Variants in CCDC33 observed in about 807,000 individuals in gnomAD.
CCDC33 encodes the protein coiled-coil domain containing 33.
In CCDC33, 94 loss-of-function variants were observed where a neutral mutation model predicts 91.9. That is an observed-to-expected ratio of 1.02 (90% CI 0.87 to 1.21). The LOEUF is 1.21. Ranked by LOEUF, CCDC33 falls within the 50% of genes most tolerant of loss-of-function variation. The probability of loss-of-function intolerance (pLI) is 0.00; values close to 1 mark genes in which losing one functional copy is unlikely to be tolerated. For synonymous variants in CCDC33, 396 were observed against 374.5 expected (o/e 1.06, Z -0.66); for missense variants, 940 against 935.5 (o/e 1.00, Z -0.06).
At chr15:74,277,935 C>T (rs1190787240) in intron 7 of CCDC33, among the ~76,000 whole-genome samples, 1 of 152,170 alleles carries the variant, frequency 6.6e-6, no homozygotes, top group Non-Finnish European at 1.5e-5. Context: ...TCACAGGTGC[C>T]CCAATGCCTG....
At chr15:74,272,091 G>C (rs1465743836) in intron 6 of CCDC33, among the ~76,000 whole-genome samples, 2 of 152,206 alleles carry the variant, frequency 1.3e-5, no homozygotes, top group African/African-American at 4.8e-5. Flanking sequence ...CTAACAGCTA[G>C]AGAGTGTGGG....
At position 74,330,974 on chromosome 15, in the gene CCDC33, C is replaced by T. The variant is rs368467935; in HGVS notation, c.1546-7C>T. Reference sequence around the variant, plus strand: ...TCTCTCCCCTTCTCTCCTCCCCCATCTCACAGAAGAATGATCGAGAGAAGG... The same window carrying T: ...TCTCTCCCCTTCTCTCCTCCCCCATTTCACAGAAGAATGATCGAGAGAAGG... On this transcript the variant is annotated splice_polypyrimidine_tract_variant and splice_region_variant and intron_variant, in intron 13 of 18. Transcript: ENST00000398814. The T allele has an allele frequency of 1.3e-6, 2 of 1,577,690 alleles. No individual in the cohort carries two copies. The highest frequency in any genetic ancestry group is 1.7e-6 in the Non-Finnish European group (2 of 1,161,592).
At chr15:74,319,290 G>A (rs1344368536) in intron 11 of CCDC33, among the ~76,000 whole-genome samples, 5 of 152,232 alleles carry the variant, frequency 3.3e-5, no homozygotes, top group African/African-American at 9.6e-5. Flanking sequence ...CGGGTCGTTC[G>A]ACAGCTGTGG....
At chr15:74,322,984 T>C (rs1277920076) in intron 11 of CCDC33, among the ~76,000 whole-genome samples, 1 of 152,076 alleles carries the variant, frequency 6.6e-6, no homozygotes, top group Non-Finnish European at 1.5e-5. Context: ...CAGGCCTCCT[T>C]CTCTGGGAGA....
chr15:74,248,008 T>C (rs351147), intron 2 of CCDC33, among the ~76,000 whole-genome samples: 146,939 of 152,174 alleles, frequency 0.97, 71,157 homozygotes, highest in East Asian at 1. Flanking sequence ...ATCTGGGAGG[T>C]GGAGGTTGCG....
At chr15:74,333,339 C>A in intron 16 of CCDC33, 1 of 1,546,558 alleles carries the variant, frequency 6.5e-7, no homozygotes, top group South Asian at 1.2e-5. Context: ...GGCCCAGGGC[C>A]CAGAAATGCC....
chr15:74,328,625 C>T (rs1338472939), intron 11 of CCDC33, among the ~76,000 whole-genome samples: 2 of 152,212 alleles, frequency 1.3e-5, no homozygotes, highest in African/African-American at 4.8e-5. Context: ...GAGAGATGAA[C>T]CTGGCACTGG....
At chr15:74,252,086 G>C (rs1308603645) in intron 2 of CCDC33, among the ~76,000 whole-genome samples, 1 of 152,158 alleles carries the variant, frequency 6.6e-6, no homozygotes, top group Admixed American at 6.6e-5. Context: ...ACCCAAAGGA[G>C]GATGCAGGAT....
intron 11 of CCDC33, among the ~76,000 whole-genome samples, chr15:74,298,689 G>A (rs936467104): frequency 4.7e-5 from 7 of 147,628 alleles, no homozygotes; most frequent in East Asian, 2.0e-4. Flanking sequence ...ACAGGCATTC[G>A]ACACCCTGGC....
At chr15:74,225,316 A>G (rs2074757887) in intron 2 of CCDC33, among the ~76,000 whole-genome samples, 1 of 152,010 alleles carries the variant, frequency 6.6e-6, no homozygotes, top group South Asian at 2.1e-4. Flanking sequence ...CAGTGAAGGA[A>G]GCGGGCATAA....
At chr15:74,321,905 G>A (rs2060214689) in intron 11 of CCDC33, among the ~76,000 whole-genome samples, 1 of 152,272 alleles carries the variant, frequency 6.6e-6, no homozygotes, top group Non-Finnish European at 1.5e-5. Context: ...TGAAGGGGGA[G>A]CATGTGCGTG....
intron 2 of CCDC33, among the ~76,000 whole-genome samples, chr15:74,255,756 C>T (rs2075842054): frequency 6.6e-6 from 1 of 152,236 alleles, no homozygotes; most frequent in Admixed American, 6.5e-5. Context: ...CTGGAGGGAG[C>T]CCAGTTCCCC....
chr15:74,261,355 G>GGA (rs1411123531), intron 2 of CCDC33, among the ~76,000 whole-genome samples: 4 of 152,254 alleles, frequency 2.6e-5, no homozygotes, highest in Non-Finnish European at 5.9e-5. Flanking sequence ...GCTTCTTGGA[G>GGA]GAGAGGAACA....
At chr15:74,239,695 G>A (rs3848163) in intron 1 of CCDC33, among the ~76,000 whole-genome samples, 27,811 of 152,208 alleles carry the variant, frequency 0.18, 3,579 homozygotes, top group East Asian at 0.48. Context: ...AGCAGTGTTG[G>A]GTGGGTTAAG....
chr15:74,274,565 A>G (rs1292993451), intron 7 of CCDC33, among the ~76,000 whole-genome samples: 1 of 152,206 alleles, frequency 6.6e-6, no homozygotes, highest in Non-Finnish European at 1.5e-5. Flanking sequence ...GGAGTGGGAC[A>G]AAGGGGGACC....
At chr15:74,330,823 G>C (rs1167243397) in intron 13 of CCDC33, 72 bp downstream of exon 13, 1 of 1,518,418 alleles carries the variant, frequency 6.6e-7, no homozygotes, top group Non-Finnish European at 9.1e-7. Context: ...AAGAGTCTGG[G>C]AGGAGAAGGG....
intron 1 of CCDC33, among the ~76,000 whole-genome samples, chr15:74,242,399 C>G (rs1453920075): frequency 6.6e-6 from 1 of 152,248 alleles, no homozygotes; most frequent in Non-Finnish European, 1.5e-5. Context: ...GGTCCTTGCT[C>G]CTGTCTGGGC....
At chr15:74,311,954 G>C (rs2060001388) in intron 11 of CCDC33, 1 of 152,288 alleles carries the variant, frequency 6.6e-6, no homozygotes, top group South Asian at 2.1e-4. Flanking sequence ...TTTCTTTCTT[G>C]GTAGCTTCAG....
chr15:74,290,908 G>A (rs2059572892), intron 10 of CCDC33, among the ~76,000 whole-genome samples: 1 of 152,194 alleles, frequency 6.6e-6, no homozygotes, highest in Non-Finnish European at 1.5e-5. Flanking sequence ...AATTCAGAAA[G>A]CCAGGTTTCA....
Sources: gnomAD v4.1 joint callset for allele counts (sites outside exome capture counted in the v4.1 genomes callset) on GRCh38, gnomAD v4.1.1 for gene constraint, MANE v1.5 for transcripts, NCBI Gene and HGNC (gene_info 2026-07-23, HGNC 2026-07-21) for gene names.